The following SFMBT2 variants were observed in gnomAD, a reference collection of about 807,000 sequenced individuals.
SFMBT2 encodes the protein scm-like with four MBT domains protein 2.
A neutral mutation model predicts 110.1 loss-of-function variants in SFMBT2; 38 were observed. The ratio of observed to expected loss-of-function variants is 0.35; its 90% CI spans 0.27 to 0.45. SFMBT2 has a LOEUF of 0.45. Ranked by LOEUF, SFMBT2 falls within the 20% of genes least tolerant of loss-of-function variation. The probability of loss-of-function intolerance (pLI) is 1.00; values close to 1 mark genes in which losing one functional copy is unlikely to be tolerated. For synonymous variants in SFMBT2, 425 were observed against 425.4 expected, an observed-to-expected ratio of 1.00 and a Z score of 0.01; for missense variants, 1,011 against 1,094.9, an observed-to-expected ratio of 0.92 and a Z score of 1.08.
chr10:7,394,502 T>G (rs1457885557), intron 1 of SFMBT2, among the ~76,000 whole-genome samples: 1 of 151,422 alleles, frequency 6.6e-6, no homozygotes, highest in Admixed American at 6.6e-5. Context: ...ACTGGTCACA[T>G]GACCCCCACC....
intron 9 of SFMBT2, among the ~76,000 whole-genome samples, chr10:7,235,178 T>C (rs187689281): frequency 1.1e-3 from 172 of 152,298 alleles, no homozygotes; most frequent in Non-Finnish European, 1.6e-3. Flanking sequence ...CCAGACATTG[T>C]TTTTGGTGCT....
intron 4 of SFMBT2, among the ~76,000 whole-genome samples, chr10:7,351,880 AAT>A (rs1554808465): frequency 2.7e-5 from 4 of 149,568 alleles, no homozygotes; most frequent in Admixed American, 1.3e-4. Flanking sequence ...TAAAAAAAAA[AAT>A]ATATATATAT....
chr10:7,336,931 A>G lies in SFMBT2; in HGVS notation c.436+30718T>C, dbSNP rs115863462. Reference sequence around the variant, plus strand: ...AGGGTATTCAATGAGAAAAACTCAGAGAACCAAGCCAGGCAACGTACCATT... The same window carrying G: ...AGGGTATTCAATGAGAAAAACTCAGGGAACCAAGCCAGGCAACGTACCATT... On this transcript the variant is annotated intron_variant, in intron 4 of 20. Transcript: ENST00000397167. 5.9e-3 allele frequency among the ~76,000 whole-genome samples: 897 copies of G among 152,336 alleles called. 10 individuals carry two copies. The highest frequency in any genetic ancestry group is 0.019 in the African/African-American group (791 of 41,578).
chr10:7,285,976 A>AAAAAC (rs749631320), intron 4 of SFMBT2, 22 bp from the exon 5 acceptor site: 6 of 865,028 alleles, frequency 6.9e-6, no homozygotes, highest in East Asian at 2.4e-5. Flanking sequence ...AAGGAGAAAG[A>AAAAAC]AAAACAAAAC....
intron 9 of SFMBT2, among the ~76,000 whole-genome samples, chr10:7,231,580 T>C (rs1295524923): frequency 6.6e-6 from 1 of 152,206 alleles, no homozygotes; most frequent in Admixed American, 6.5e-5. Flanking sequence ...GGACGTACAT[T>C]CAGGCCTTCT....
At chr10:7,345,053 GACAA>G (rs1024955218) in intron 4 of SFMBT2, among the ~76,000 whole-genome samples, 7 of 151,318 alleles carry the variant, frequency 4.6e-5, no homozygotes, top group African/African-American at 1.7e-4. Flanking sequence ...AGAAAAAGGA[GACAA>G]ACAAGGAAAG....
At position 7,385,542 on chromosome 10, in the gene SFMBT2, G is replaced by C. The variant is rs2132090624; in HGVS notation, c.-51-3593C>G. ...AGACAATGCCAGAATGTATCCAGGA[G>C]AAAGGGGCCTTGAAGGCATATGACG... On this transcript the variant is annotated intron_variant, in intron 1 of 20. Coordinates refer to ENST00000397167, the MANE Select transcript of SFMBT2 (RefSeq NM_001387889.1). Among the ~76,000 whole-genome samples the C allele has an allele frequency of 2.0e-5, 3 of 152,314 alleles. No individual in the cohort carries two copies. The South Asian group carries it at 6.2e-4, about 32-fold the overall frequency.
intron 4 of SFMBT2, among the ~76,000 whole-genome samples, chr10:7,318,229 A>G (rs1353443411): frequency 6.6e-6 from 1 of 152,206 alleles, no homozygotes; most frequent in Non-Finnish European, 1.5e-5. Flanking sequence ...TCTCTGCCCT[A>G]AAGACCACGG....
chr10:7,183,597 T>C (rs1331248964), intron 16 of SFMBT2, among the ~76,000 whole-genome samples: 1 of 152,140 alleles, frequency 6.6e-6, no homozygotes, highest in Non-Finnish European at 1.5e-5. Context: ...TGCCATAAAT[T>C]CCCTCTTTGG....
chr10:7,389,405 CG>C (rs1233522811), intron 1 of SFMBT2, among the ~76,000 whole-genome samples: 2 of 152,102 alleles, frequency 1.3e-5, no homozygotes, highest in Non-Finnish European at 2.9e-5. Flanking sequence ...TTAAGCTATA[CG>C]TAATTTCAAG....
chr10:7,238,754 C>G (rs1403043536), intron 9 of SFMBT2, among the ~76,000 whole-genome samples: 3 of 152,134 alleles, frequency 2.0e-5, no homozygotes, highest in Non-Finnish European at 4.4e-5. Flanking sequence ...ACAAAAGTTC[C>G]TGGGTGGAAC....
chr10:7,371,014 GA>G (rs1334485191), intron 2 of SFMBT2, among the ~76,000 whole-genome samples: 1 of 152,198 alleles, frequency 6.6e-6, no homozygotes, highest in Non-Finnish European at 1.5e-5. Flanking sequence ...CACTCCGGCA[GA>G]AACCAACAGT....
At chr10:7,164,831 C>T (rs145480791) in intron 20 of SFMBT2, among the ~76,000 whole-genome samples, 6 of 152,080 alleles carry the variant, frequency 3.9e-5, no homozygotes, top group East Asian at 3.9e-4. Flanking sequence ...AGGTGTCGCT[C>T]GTACACAGAT....
intron 4 of SFMBT2, among the ~76,000 whole-genome samples, chr10:7,321,952 C>T (rs1843203193): frequency 6.6e-6 from 1 of 152,122 alleles, no homozygotes; most frequent in Admixed American, 6.5e-5. Flanking sequence ...TTTTAGGGAA[C>T]TTGACAAATT....
At chr10:7,352,499 T>C (rs556123174) in intron 4 of SFMBT2, among the ~76,000 whole-genome samples, 16 of 152,260 alleles carry the variant, frequency 1.1e-4, no homozygotes, top group African/African-American at 3.6e-4. Context: ...ATTTTTTTTT[T>C]CTTAGAAATG....
chr10:7,381,458 G>A (rs1486417493), intron 2 of SFMBT2, among the ~76,000 whole-genome samples: 2 of 152,134 alleles, frequency 1.3e-5, no homozygotes, highest in East Asian at 1.9e-4. Flanking sequence ...CTGCTGGTCC[G>A]AGACCTCCAA....
chr10:7,211,194 G>A lies in SFMBT2; in HGVS notation c.1331-5266C>T, dbSNP rs111334087. Among the ~76,000 whole-genome samples, 89 of 152,096 alleles carry A rather than the reference G, an allele frequency of 5.9e-4. 1 individual carries two copies. The highest frequency in any genetic ancestry group is 2.1e-3 in the African/African-American group (86 of 41,500). On this transcript the variant is annotated intron_variant, in intron 11 of 20. Coordinates refer to ENST00000397167, the MANE Select transcript of SFMBT2 (RefSeq NM_001387889.1). ...TCCTTCCTCGTTTTTATTTCTGGGT[G>A]GGGGGTATGTGTCTAGCAACTGTCT...
intron 1 of SFMBT2, among the ~76,000 whole-genome samples, chr10:7,388,411 G>A (rs1015191401): frequency 6.6e-6 from 1 of 151,636 alleles, no homozygotes; most frequent in Non-Finnish European, 1.5e-5. Flanking sequence ...AGGCTAGAGT[G>A]CAATGGCCCA....
At position 7,293,335 on chromosome 10, in the gene SFMBT2, G is replaced by A. The variant is rs1302481933; in HGVS notation, c.437-7381C>T. On this transcript the variant is annotated intron_variant, in intron 4 of 20. Coordinates refer to ENST00000397167, the MANE Select transcript of SFMBT2 (RefSeq NM_001387889.1). The surrounding 1 kb of genome is among the most constrained non-coding windows in gnomAD (Gnocchi z 4.6). Reference sequence around the variant, plus strand: ...GCTGGTCTTGAACTCCTGACTTCAGGTGATCTGCCTGCCTCGGCCTCCCAA... The same window carrying A: ...GCTGGTCTTGAACTCCTGACTTCAGATGATCTGCCTGCCTCGGCCTCCCAA... 6.6e-6 allele frequency among the ~76,000 whole-genome samples: 1 copy of A among 152,140 alleles called. No homozygotes were observed. Among genetic ancestry groups the A allele is most frequent in the African/African-American group, 2.4e-5 (1 of 41,434 alleles).
Sources: allele counts gnomAD v4.1 joint callset (sites outside exome capture counted in the v4.1 genomes callset), GRCh38; gene constraint gnomAD v4.1.1; non-coding constraint Gnocchi (gnomAD v3.1); transcripts MANE v1.5; gene names NCBI Gene and HGNC (gene_info 2026-07-23, HGNC 2026-07-21).